DOCK9: variants seen among roughly 807,000 people sequenced by gnomAD.
The protein encoded by DOCK9 is dedicator of cytokinesis 9.
A neutral mutation model predicts 263.3 loss-of-function variants in DOCK9; 89 were observed. The ratio of observed to expected loss-of-function variants is 0.34; its 90% CI spans 0.28 to 0.40. The LOEUF (loss-of-function observed/expected upper bound fraction) is 0.40. DOCK9 is among the 10% of genes least tolerant of loss of function. The probability of loss-of-function intolerance (pLI) is 1.00; values close to 1 mark genes in which losing one functional copy is unlikely to be tolerated. For missense variants in DOCK9, 2,140 were observed against 2,603.4 expected, an observed-to-expected ratio of 0.82 and a Z score of 3.87; for synonymous variants, 976 against 973.1, an observed-to-expected ratio of 1.00 and a Z score of -0.06.
chr13:98,977,875 C>T lies in DOCK9; in HGVS notation c.35G>A (p.Ser12Asn). 1.2e-6 allele frequency: 2 copies of T among 1,600,142 alleles called. No homozygotes were observed. The highest frequency in any genetic ancestry group is 1.7e-6 in the Non-Finnish European group (2 of 1,172,616). Residue 12 changes from serine to asparagine, a missense_variant, in exon 1 of 53, where the codon AGT becomes AAT. This residue lies in a region of DOCK9 where 1,521 missense variants were observed against 1,741.7 expected (regional missense o/e 0.87). Transcript: ENST00000682017. ...CTCAATCACCAGTTCCTTTTTGACA[C>T]TTCTACTACTTGTCCTGCATTTATC... ...QADKCRTSSR[S>N]VKKELVIESP...
intron 1 of DOCK9, 105 bp from the exon 2 acceptor site, chr13:98,955,656 G>C (rs2057968609): frequency 2.6e-6 from 2 of 774,836 alleles, no homozygotes; most frequent in Non-Finnish European, 2.1e-6. Flanking sequence ...TCTACAATTA[G>C]AGTATGCTAG....
intron 1 of DOCK9, among the ~76,000 whole-genome samples, chr13:99,068,671 TAAA>T (rs200841453): frequency 6.8e-6 from 1 of 147,062 alleles, no homozygotes; most frequent in African/African-American, 2.5e-5. Flanking sequence ...TCCTTCAGTT[TAAA>T]AAAAAAAAAT....
At chr13:98,931,530 C>T (rs1268487747) in intron 2 of DOCK9, among the ~76,000 whole-genome samples, 2 of 151,918 alleles carry the variant, frequency 1.3e-5, no homozygotes, top group Non-Finnish European at 2.9e-5. Flanking sequence ...AATCTCCTGA[C>T]CTCGTGATCT....
intron 2 of DOCK9, among the ~76,000 whole-genome samples, chr13:98,938,157 T>C (rs556232930): frequency 3.0e-4 from 45 of 152,360 alleles, no homozygotes; most frequent in African/African-American, 1.1e-3. Flanking sequence ...TACGTTACCC[T>C]GACCCCACTG....
At chr13:98,803,078 T>A (rs2090297785) in intron 49 of DOCK9, among the ~76,000 whole-genome samples, 1 of 152,148 alleles carries the variant, frequency 6.6e-6, no homozygotes. Flanking sequence ...GACCCAGGCC[T>A]ACAGGACCCC....
intron 35 of DOCK9, among the ~76,000 whole-genome samples, chr13:98,852,294 T>G (rs564712276): frequency 6.6e-6 from 1 of 152,188 alleles, no homozygotes; most frequent in South Asian, 2.1e-4. Context: ...GGGAAACTCT[T>G]GCTCGTCTGT....
chr13:98,800,231 G>A, intron 50 of DOCK9, 57 bp downstream of exon 50: 1 of 1,502,792 alleles, frequency 6.7e-7, no homozygotes. Context: ...CGACTCTCAA[G>A]TCACCCAGGG....
chr13:98,847,994 A>G (rs1019846691), intron 37 of DOCK9, among the ~76,000 whole-genome samples: 3 of 152,206 alleles, frequency 2.0e-5, no homozygotes, highest in African/African-American at 7.2e-5. Context: ...TCTGCACAGG[A>G]AAGTGGGAGT....
chr13:98,906,527 T>A (rs2049122473), intron 9 of DOCK9, among the ~76,000 whole-genome samples: 1 of 151,982 alleles, frequency 6.6e-6, no homozygotes, highest in Non-Finnish European at 1.5e-5. Flanking sequence ...GTCTATGGAG[T>A]CGGAATAGAA....
intron 1 of DOCK9, among the ~76,000 whole-genome samples, chr13:99,052,385 C>G (rs537376086): frequency 3.0e-4 from 45 of 152,316 alleles, no homozygotes; most frequent in Non-Finnish European, 5.9e-4. Context: ...AGCTCCCCAT[C>G]TCCCTAGATT....
At chr13:99,081,693 C>T (rs1017741390) in intron 1 of DOCK9, among the ~76,000 whole-genome samples, 1 of 152,200 alleles carries the variant, frequency 6.6e-6, no homozygotes, top group Non-Finnish European at 1.5e-5. Flanking sequence ...ATCTTTAATA[C>T]ATCTGAAAGA....
intron 1 of DOCK9, among the ~76,000 whole-genome samples, chr13:98,999,909 A>C (rs1024140677): frequency 5.3e-5 from 8 of 152,202 alleles, no homozygotes; most frequent in Non-Finnish European, 7.3e-5. Flanking sequence ...TCAGTATCAA[A>C]TCTCTTGCAC....
chr13:99,009,812 A>AT (rs1276556021), intron 1 of DOCK9, among the ~76,000 whole-genome samples: 2 of 152,034 alleles, frequency 1.3e-5, no homozygotes, highest in South Asian at 2.1e-4. Context: ...CAATTAAAGG[A>AT]TTTTTTTCAT....
intron 1 of DOCK9, among the ~76,000 whole-genome samples, chr13:99,070,989 C>T (rs1463646170): frequency 6.6e-6 from 1 of 152,220 alleles, no homozygotes; most frequent in East Asian, 1.9e-4. Context: ...TTACAGTTAA[C>T]TCTTGAACAA....
chr13:98,833,759 C>T (rs1281661004), intron 39 of DOCK9, among the ~76,000 whole-genome samples: 2 of 152,214 alleles, frequency 1.3e-5, no homozygotes, highest in Non-Finnish European at 2.9e-5. Context: ...GGTTTCCTAA[C>T]TACTTGCTTT....
upstream of DOCK9, among the ~76,000 whole-genome samples, chr13:98,979,672 T>C (rs140421875): frequency 2.4e-3 from 359 of 152,282 alleles, no homozygotes; most frequent in African/African-American, 7.9e-3. Context: ...TCAGGGTTAA[T>C]AGAAGTCCCC....
rs1165611272 is a variant in DOCK9 at position 98,885,012 on chromosome 13, G to A, written c.2341C>T (p.Pro781Ser). 1 of 1,613,558 alleles carries A rather than the reference G, an allele frequency of 6.2e-7. No homozygotes were observed. Among genetic ancestry groups the A allele is most frequent in the Non-Finnish European group, 8.5e-7 (1 of 1,179,806 alleles). Residue 781 changes from proline to serine, a missense_variant, in exon 21 of 53, where the codon CCT becomes TCT. Pro to Ser is a moderately conservative substitution (Grantham distance 74). Transcript: ENST00000682017. ...TCCTGGTAGCCAAGATAGCCCGAAGGAAGGTTCGCCGAGACCGGGATGTGC... is the reference window on the plus strand; with the variant it reads ...TCCTGGTAGCCAAGATAGCCCGAAGAAAGGTTCGCCGAGACCGGGATGTGC... ...EQHIPVSANL[P>S]SGYLGYQELG...
At chr13:98,948,358 T>C (rs1298878128) in intron 2 of DOCK9, among the ~76,000 whole-genome samples, 2 of 152,208 alleles carry the variant, frequency 1.3e-5, no homozygotes, top group Non-Finnish European at 2.9e-5. Flanking sequence ...CTATCCTTTC[T>C]TTTCAATTCT....
Position 98,925,824 on chromosome 13 carries a change from A to G in DOCK9, c.416+13T>C. Reference sequence around the variant, plus strand: ...AAAGACTTTTCCCTATGTGTATAATATAGCTTACTCACTTCGGAAGCTGTC... The same window carrying G: ...AAAGACTTTTCCCTATGTGTATAATGTAGCTTACTCACTTCGGAAGCTGTC... On this transcript the variant is annotated intron_variant, in intron 4 of 52. Coordinates refer to ENST00000682017, the MANE Select transcript of DOCK9 (RefSeq NM_001366683.2). 6.5e-7 allele frequency: 1 copy of G among 1,538,644 alleles called. No individual in the cohort carries two copies. Among genetic ancestry groups the G allele is most frequent in the South Asian group, 1.2e-5 (1 of 82,424 alleles).
Sources: allele counts gnomAD v4.1 joint callset (sites outside exome capture counted in the v4.1 genomes callset), GRCh38; gene constraint gnomAD v4.1.1; regional missense constraint gnomAD v4.1.1; transcripts MANE v1.5; gene names NCBI Gene and HGNC (gene_info 2026-07-23, HGNC 2026-07-21).